The following BPTF variants were observed in gnomAD, a reference collection of about 807,000 sequenced individuals.
The protein encoded by BPTF is nucleosome-remodeling factor subunit BPTF.
A neutral mutation model predicts 292.5 loss-of-function variants in BPTF; 18 were observed. The ratio of observed to expected loss-of-function variants is 0.06; its 90% CI spans 0.04 to 0.09. The LOEUF (loss-of-function observed/expected upper bound fraction) is 0.09, where lower values mean the gene tolerates loss of function less well. Ranked by LOEUF, BPTF falls within the 10% of genes least tolerant of loss-of-function variation. The probability of loss-of-function intolerance (pLI) is 1.00; values close to 1 mark genes in which losing one functional copy is unlikely to be tolerated. For missense variants in BPTF, 2,726 were observed against 3,498.7 expected, an observed-to-expected ratio of 0.78 and a Z score of 5.57; for synonymous variants, 1,225 against 1,251.9, an observed-to-expected ratio of 0.98 and a Z score of 0.45.
At chr17:67,826,951 T>C (rs755055269) in intron 1 of BPTF, among the ~76,000 whole-genome samples, 70 of 152,222 alleles carry the variant, frequency 4.6e-4, no homozygotes, top group Non-Finnish European at 8.1e-4. Context: ...GTGTTTGTTT[T>C]TATTCTTCGA....
intron 7 of BPTF, among the ~76,000 whole-genome samples, chr17:67,901,369 T>A (rs2061830227): frequency 6.6e-6 from 1 of 151,866 alleles, no homozygotes; most frequent in South Asian, 2.1e-4. Flanking sequence ...ATGAATTAAT[T>A]TATGTTTTTG....
chr17:67,911,721 G>C lies in BPTF; in HGVS notation c.3837G>C (p.Leu1279=). ...LSRAMDFEGK[L]GCDSESNSTL... is the part of the protein sequence containing the mutation. Reference sequence around the variant, plus strand: ...GAGCAATGGACTTTGAAGGAAAACTGGGATGTGACTCTGAATCTAATAGCA... The same window carrying C: ...GAGCAATGGACTTTGAAGGAAAACTCGGATGTGACTCTGAATCTAATAGCA... Residue 1279 remains leucine, a synonymous_variant, in exon 11 of 28, where the codon CTG becomes CTC. Coordinates refer to ENST00000306378, the MANE Select transcript of BPTF (RefSeq NM_182641.4). The C allele has an allele frequency of 1.3e-5, 21 of 1,614,124 alleles. No homozygotes were observed. The highest frequency in any genetic ancestry group is 1.8e-5 in the Non-Finnish European group (21 of 1,180,022).
At chr17:67,841,924 G>C (rs941267248) in intron 1 of BPTF, among the ~76,000 whole-genome samples, 1 of 151,358 alleles carries the variant, frequency 6.6e-6, no homozygotes, top group African/African-American at 2.4e-5. Flanking sequence ...ATATTTTTTA[G>C]TGTTTTATTA....
At chr17:67,902,390 C>CA (rs2061903254) in intron 7 of BPTF, among the ~76,000 whole-genome samples, 1 of 152,150 alleles carries the variant, frequency 6.6e-6, no homozygotes, top group Non-Finnish European at 1.5e-5. Flanking sequence ...CTGGCATAGT[C>CA]ACCCCGCCTT....
intron 19 of BPTF, among the ~76,000 whole-genome samples, chr17:67,941,813 G>A (rs141282624): frequency 3.3e-5 from 5 of 152,210 alleles, no homozygotes; most frequent in Non-Finnish European, 4.4e-5. Context: ...GATAGAAAAT[G>A]CTAACCATAA....
chr17:67,934,053 GA>G (rs1029607739), intron 18 of BPTF, among the ~76,000 whole-genome samples: 44 of 145,988 alleles, frequency 3.0e-4, no homozygotes, highest in African/African-American at 9.6e-4. Context: ...TCAGAAAAAA[GA>G]AAAAAAAAAT....
intron 1 of BPTF, among the ~76,000 whole-genome samples, chr17:67,839,624 G>T (rs1169509856): frequency 1.3e-5 from 2 of 152,132 alleles, no homozygotes; most frequent in Non-Finnish European, 2.9e-5. Flanking sequence ...GTTGTTGTGT[G>T]TATCAGTAGT....
At position 67,910,941 on chromosome 17, in the gene BPTF, C is replaced by T. The variant is rs184786520; in HGVS notation, c.3057C>T (p.Asp1019=). The T allele has an allele frequency of 1.2e-5, 19 of 1,613,790 alleles. No homozygotes were observed. Among genetic ancestry groups the T allele is most frequent in the South Asian group, 4.4e-5 (4 of 91,060 alleles). ...KPCKEEPMEV[D]DDMKTESHVN... is the part of the protein sequence containing the mutation. ...GCAAGGAAGAACCAATGGAAGTAGA[C>T]GATGACATGAAAACAGAGTCACATG... The change falls in exon 11 of 28, where the codon GAC becomes GAT. Residue 1019 remains aspartate (D), a synonymous_variant. Transcript: ENST00000306378.
rs1168039224 is a variant in BPTF, at chr17:67,866,665, A to G, written c.1638A>G (p.Lys546=). Residue 546 remains lysine, a synonymous_variant, in exon 3 of 28, where the codon AAA becomes AAG. Coordinates refer to ENST00000306378, the MANE Select transcript of BPTF (RefSeq NM_182641.4). The part of the protein sequence containing the change: ...DLTNKARGSN[K]SFLAAANEEI... ...CCAATAAGGCTCGGGGCAGTAACAA[A>G]TCCTTTCTGGCGGCAGCTAATGGTG... 6.2e-7 allele frequency: 1 copy of G among 1,613,486 alleles called. No homozygotes were observed. The highest frequency in any genetic ancestry group is 1.7e-5 in the Admixed American group (1 of 59,986).
At chr17:67,844,693 G>T (rs11871285) in intron 1 of BPTF, among the ~76,000 whole-genome samples, 30,838 of 151,706 alleles carry the variant, frequency 0.2, 3,896 homozygotes, top group East Asian at 0.66. Context: ...GAACCACTGC[G>T]TCCAGTCTGT....
At chr17:67,948,404 G>A (rs2147999055) in intron 23 of BPTF, 98 bp downstream of exon 23, 1 of 1,126,638 alleles carries the variant, frequency 8.9e-7, no homozygotes, top group Non-Finnish European at 1.2e-6. Flanking sequence ...ATTTCAGTAT[G>A]TTTTCTAGAA....
intron 26 of BPTF, among the ~76,000 whole-genome samples, chr17:67,972,691 A>G (rs1392279557): frequency 6.6e-6 from 1 of 152,062 alleles, no homozygotes; most frequent in Non-Finnish European, 1.5e-5. Flanking sequence ...TTCCTCCTCC[A>G]TAATATATAC....
rs1568055247 is a variant in BPTF, at chr17:67,913,203, T to C, written c.5303+16T>C. ...TCACTTGGAGGTATGTACTTTAAAA[T>C]GTATTTGGGGGAGGGAGAAAATTTT... is the stretch of plus-strand genomic sequence containing the variant. On this transcript the variant is annotated intron_variant, in intron 11 of 27. Transcript: ENST00000306378. 1.3e-6 allele frequency: 2 copies of C among 1,550,138 alleles called. No individual in the cohort carries two copies. The highest frequency in any genetic ancestry group is 4.4e-5 in the Admixed American group (2 of 45,786).
At chr17:67,874,558 G>A (rs1278962223) in intron 3 of BPTF, among the ~76,000 whole-genome samples, 1 of 151,968 alleles carries the variant, frequency 6.6e-6, no homozygotes, top group East Asian at 1.9e-4. Flanking sequence ...TAAAAAGATA[G>A]GCTCATTTTA....
chr17:67,865,347 A>G (rs1323976301), intron 2 of BPTF, among the ~76,000 whole-genome samples: 1 of 152,242 alleles, frequency 6.6e-6, no homozygotes, highest in Non-Finnish European at 1.5e-5. Context: ...TTACCTTAGT[A>G]ATAATATTTA....
At chr17:67,922,412 G>A (rs542446513) in intron 13 of BPTF, among the ~76,000 whole-genome samples, 1 of 152,174 alleles carries the variant, frequency 6.6e-6, no homozygotes, top group Non-Finnish European at 1.5e-5. Flanking sequence ...GGAAACACAT[G>A]TTGTACACCC....
rs538134114 is a variant in BPTF, at chr17:67,981,157, TCAAAA to T, written c.8727-1074_8727-1070del. Among the ~76,000 whole-genome samples, 225 of 152,324 alleles carry T rather than the reference TCAAAA, an allele frequency of 1.5e-3. 1 individual carries two copies. The highest frequency in any genetic ancestry group is 5.0e-3 in the African/African-American group (206 of 41,576). Reference sequence around the variant, plus strand: ...CTGTGCTACAGAGTGAGACCTTGTTTCAAAACAAAACAAAACAAAACAAAATTACA... The same window carrying T: ...CTGTGCTACAGAGTGAGACCTTGTTTCAAAACAAAACAAAACAAAATTACA... On this transcript the variant is annotated intron_variant, in intron 27 of 27. Coordinates refer to ENST00000306378, the MANE Select transcript of BPTF (RefSeq NM_182641.4).
chr17:67,948,417 T>TA (rs2065971583), intron 23 of BPTF, 111 bp downstream of exon 23: 1 of 960,062 alleles, frequency 1.0e-6, no homozygotes, highest in Non-Finnish European at 1.5e-6. Flanking sequence ...TTCTAGAACT[T>TA]ACATTTGTGT....
chr17:67,967,858 A>G (rs1034997910), intron 26 of BPTF, among the ~76,000 whole-genome samples: 9 of 151,310 alleles, frequency 5.9e-5, no homozygotes, highest in Admixed American at 2.6e-4. Context: ...GTAGCCATCA[A>G]TAGAGGAGTA....
Sources: allele counts gnomAD v4.1 joint callset (sites outside exome capture counted in the v4.1 genomes callset), GRCh38; gene constraint gnomAD v4.1.1; transcripts MANE v1.5; gene names NCBI Gene and HGNC (gene_info 2026-07-23, HGNC 2026-07-21).